The following HSP90AA1 variants were observed in gnomAD, a reference collection of about 807,000 sequenced individuals.
The protein encoded by HSP90AA1 is heat shock protein 90 alpha family class A member 1, also known as heat shock protein HSP 90-alpha.
Under a neutral mutation model 73.3 loss-of-function variants are expected in HSP90AA1, and 18 were observed. The ratio of observed to expected loss-of-function variants is 0.25; its 90% confidence interval spans 0.17 to 0.36. HSP90AA1 has a LOEUF of 0.36. Among genes scored for constraint, HSP90AA1 ranks in the 10% least tolerant of loss-of-function variants. HSP90AA1 has a pLI of 1.00. For missense variants in HSP90AA1, 704 were observed against 874.2 expected (o/e 0.81, Z 2.45); for synonymous variants, 477 against 296.9 (o/e 1.61, Z -6.24).
At chr14:102,139,691 G>T (rs1193076100), upstream of HSP90AA1, 3 of 680,000 alleles carry the variant, frequency 4.4e-6, no homozygotes, top group Non-Finnish European at 7.3e-6. Context: ...ACACCCGGGG[G>T]AGGAGCCTGC....
chr14:102,082,473 C>T (rs763257026), intron 9 of HSP90AA1, 29 bp from the exon 10 acceptor site: 22 of 1,551,266 alleles, frequency 1.4e-5, no homozygotes, highest in Non-Finnish European at 1.7e-5. Flanking sequence ...GACTAGGAAC[C>T]TAGAAAGATT....
At position 102,096,477 on chromosome 14, in the gene HSP90AA1, G is replaced by T. The variant is rs539341011; in HGVS notation, c.366+5398C>A. 3.9e-5 allele frequency among the ~76,000 whole-genome samples: 6 copies of T among 152,290 alleles called. No homozygotes were observed. The East Asian group carries it at 7.7e-4, about 20-fold the overall frequency. The stretch of plus-strand genomic sequence containing the variant: ...CCCGATCATCTCTTCATGCTGGGTT[G>T]TTCTCCAAATGCACCTGGAACCTCT... On this transcript the variant is annotated intron_variant, in intron 2 of 11. Transcript: ENST00000334701.
chr14:102,131,988 A>G (rs1291033324), intron 1 of HSP90AA1, among the ~76,000 whole-genome samples: 1 of 152,174 alleles, frequency 6.6e-6, no homozygotes, highest in African/African-American at 2.4e-5. Context: ...TGTAATCACA[A>G]CACTTCGTGA....
intron 1 of HSP90AA1, among the ~76,000 whole-genome samples, chr14:102,113,279 C>T (rs1476135507): frequency 6.6e-6 from 1 of 152,144 alleles, no homozygotes; most frequent in African/African-American, 2.4e-5. Flanking sequence ...CCGCCTTGGC[C>T]TCCCAAAGTA....
chr14:102,137,197 T>C (rs1169942918), intron 1 of HSP90AA1, among the ~76,000 whole-genome samples: 1 of 151,696 alleles, frequency 6.6e-6, no homozygotes, highest in Non-Finnish European at 1.5e-5. Context: ...GCTGAGACTG[T>C]GCCACTGCAC....
At chr14:102,106,700 C>T (rs1170281404) in intron 1 of HSP90AA1, among the ~76,000 whole-genome samples, 1 of 151,940 alleles carries the variant, frequency 6.6e-6, no homozygotes, top group African/African-American at 2.4e-5. Context: ...CCTGCCACTA[C>T]GCCCAGCTGA....
intron 1 of HSP90AA1, among the ~76,000 whole-genome samples, chr14:102,116,787 G>A (rs866163745): frequency 1.1e-4 from 16 of 152,322 alleles, no homozygotes; most frequent in Middle Eastern, 3.4e-3. Flanking sequence ...ATGGGGCTGG[G>A]CACAGAGAAG....
chr14:102,138,701 G>A (rs747317194), intron 1 of HSP90AA1, among the ~76,000 whole-genome samples: 2 of 152,022 alleles, frequency 1.3e-5, no homozygotes, highest in African/African-American at 2.4e-5. Context: ...GAACTTCCAG[G>A]AATAGATCAT....
intron 2 of HSP90AA1, among the ~76,000 whole-genome samples, chr14:102,097,685 C>A (rs927585608): frequency 3.3e-5 from 5 of 152,198 alleles, no homozygotes; most frequent in African/African-American, 4.8e-5. Context: ...GAGGAATGAG[C>A]AGATGTGATG....
At chr14:102,115,147 A>AC in intron 1 of HSP90AA1, among the ~76,000 whole-genome samples, 1 of 150,998 alleles carries the variant, frequency 6.6e-6, no homozygotes, top group East Asian at 2.0e-4. Flanking sequence ...AAAAAAAAAA[A>AC]AATTAGCTGG....
At chr14:102,110,782 C>T (rs1377723195) in intron 1 of HSP90AA1, among the ~76,000 whole-genome samples, 2 of 152,088 alleles carry the variant, frequency 1.3e-5, no homozygotes, top group African/African-American at 4.8e-5. Context: ...GGGGTTTCAC[C>T]GTGTTAGCCA....
In HSP90AA1 at chr14:102,087,043, C is replaced by G. The variant is rs2049261043; in HGVS notation, c.-58G>C. On this transcript the variant is annotated 5_prime_UTR_variant, in exon 1 of 11. Transcript: ENST00000216281. Reference sequence around the variant, plus strand: ...CAGCCACACCGGGACGCTGAAGCAACTGACGCGCCACCCCCGCGCCTGCCT... The same window carrying G: ...CAGCCACACCGGGACGCTGAAGCAAGTGACGCGCCACCCCCGCGCCTGCCT... 12 of 985,396 alleles carry G rather than the reference C, an allele frequency of 1.2e-5. 1 individual carries two copies. In the South Asian group the frequency reaches 5.6e-4, roughly 46 times the overall value. The allele number at this position is 985,396 out of a possible 1,614,324, so 61.0% of individuals were successfully genotyped here.
In HSP90AA1 at chr14:102,081,464, A is replaced by C; in HGVS notation, c.*248T>G. On this transcript the variant is annotated 3_prime_UTR_variant, in exon 11 of 11. Coordinates refer to ENST00000216281, the MANE Select transcript of HSP90AA1 (RefSeq NM_005348.4). ...GTTAACATCATGTTACATACGTCTT[A>C]CAGTGCACGTTACCCCAATCTGTGA... 1 of 567,788 alleles carries C rather than the reference A, an allele frequency of 1.8e-6. No individual in the cohort carries two copies. Among genetic ancestry groups the C allele is most frequent in the Non-Finnish European group, 3.1e-6 (1 of 318,292 alleles). The allele number at this position is 567,788 out of a possible 1,614,324, so 35.2% of individuals were successfully genotyped here.
chr14:102,138,455 T>A (rs991567937), intron 1 of HSP90AA1, among the ~76,000 whole-genome samples: 4 of 152,008 alleles, frequency 2.6e-5, no homozygotes, highest in Non-Finnish European at 4.4e-5. Flanking sequence ...TAAGAAAAAA[T>A]TTTAAGTATT....
intron 1 of HSP90AA1, among the ~76,000 whole-genome samples, chr14:102,111,380 C>T (rs2049639948): frequency 6.6e-6 from 1 of 152,252 alleles, no homozygotes; most frequent in South Asian, 2.1e-4. Context: ...CATTGCTTCA[C>T]AGGGTGCAAG....
intron 1 of HSP90AA1, among the ~76,000 whole-genome samples, chr14:102,129,762 CA>C (rs1454095448): frequency 6.6e-6 from 1 of 152,132 alleles, no homozygotes; most frequent in Non-Finnish European, 1.5e-5. Context: ...CTTGGCCTCC[CA>C]AAGTGCTGGG....
Position 102,086,981 on chromosome 14 carries a change from G to C in HSP90AA1, c.-1+5C>G, listed in dbSNP as rs531439282. 1 of 984,180 alleles carries C rather than the reference G, an allele frequency of 1.0e-6. No homozygotes were observed. The highest frequency in any genetic ancestry group is 1.2e-6 in the Non-Finnish European group (1 of 829,836). 61.0% of individuals were successfully genotyped at this position (984,180 alleles called of 1,614,324 possible). A position where few individuals can be genotyped will look rare whatever the true frequency, so the allele number is the denominator to read the frequency against. ...CCTCCACAGGCCCCCACAACCACCC[G>C]TCACCTTGGCTAAGTGACCGCACAG... On this transcript the variant is annotated splice_donor_5th_base_variant and intron_variant, in intron 1 of 10. Coordinates refer to ENST00000216281, the MANE Select transcript of HSP90AA1 (RefSeq NM_005348.4).
rs773594029 is a variant in HSP90AA1 at position 102,083,650 on chromosome 14, T to C, written c.1382A>G (p.Glu461Gly). The change falls in exon 8 of 11, where the codon GAG (glutamate) becomes GGG (glycine). Residue 461 changes from glutamate (E) to glycine (G), a missense_variant. Glu to Gly is a moderately conservative substitution (Grantham distance 98). Coordinates refer to ENST00000216281, the MANE Select transcript of HSP90AA1 (RefSeq NM_005348.4). ...GGCAGATGTGTAGTACCTTAACAGC[T>C]CTGAAAGCTTCTTCCGATTTTGAGA... Reference protein sequence around the residue: ...EDSQNRKKLSELLRYYTSASG... With the variant: ...EDSQNRKKLSGLLRYYTSASG... 2.4e-5 allele frequency: 38 copies of C among 1,613,110 alleles called. No homozygotes were observed. Among genetic ancestry groups the C allele is most frequent in the Non-Finnish European group, 3.1e-5 (37 of 1,179,602 alleles).
Position 102,086,109 on chromosome 14 carries a change from G to A in HSP90AA1, c.178C>T (p.Arg60Trp). ...SNSSDALDKI[R>W]YESLTDPSKL... ...CTGGGATCTGTCAAGCTTTCATACC[G>A]GATTTTGTCCAATGCCTGTTAACAA... The change falls in exon 3 of 11, where the codon CGG becomes TGG. Residue 60 changes from arginine (R) to tryptophan (W), a missense_variant. Arg to Trp is a moderately radical substitution (Grantham distance 101). Transcript: ENST00000216281. 3 of 1,613,998 alleles carry A rather than the reference G, an allele frequency of 1.9e-6. No individual in the cohort carries two copies. The highest frequency in any genetic ancestry group is 2.5e-6 in the Non-Finnish European group (3 of 1,179,972).
Sources: gnomAD v4.1 joint callset for allele counts (sites outside exome capture counted in the v4.1 genomes callset) on GRCh38, gnomAD v4.1.1 for gene constraint, MANE v1.5 for transcripts, NCBI Gene and HGNC (gene_info 2026-07-23, HGNC 2026-07-21) for gene names.